The following SLIT1 variants were observed in gnomAD, a reference collection of about 807,000 sequenced individuals.
The protein encoded by SLIT1 is slit guidance ligand 1, also known as slit homolog 1 protein.
SLIT1 carries 66 observed loss-of-function variants against 186.1 expected under a neutral mutation model. That is an observed-to-expected ratio of 0.35 (90% CI 0.29 to 0.44). SLIT1 has a LOEUF of 0.44. Among genes scored for constraint, SLIT1 ranks in the 20% least tolerant of loss-of-function variants. The pLI, the probability that SLIT1 is intolerant of heterozygous loss-of-function variation, is 1.00. For missense variants in SLIT1, 1,638 were observed against 2,037.4 expected (o/e 0.80, Z 3.77); for synonymous variants, 761 against 833.8 (o/e 0.91, Z 1.50).
chr10:97,172,134 C>A (rs961230547), intron 1 of SLIT1, among the ~76,000 whole-genome samples: 4 of 151,986 alleles, frequency 2.6e-5, no homozygotes, highest in Non-Finnish European at 5.9e-5. Context: ...CCTCCACCTC[C>A]CAGGTTCAAG....
rs938708473 is a variant in SLIT1, at chr10:96,998,477, A to T, written c.*2635T>A. On this transcript the variant is annotated 3_prime_UTR_variant, in exon 37 of 37. Coordinates refer to ENST00000266058, the MANE Select transcript of SLIT1 (RefSeq NM_003061.3). ...CGGACGCACCCTGCTGTATCTCTTC[A>T]TGCCTAAAATGCAGAGCGAACTAGG... 2 of 152,224 alleles carry T rather than the reference A, an allele frequency of 1.3e-5. No individual in the cohort carries two copies. Among genetic ancestry groups the T allele is most frequent in the African/African-American group, 2.4e-5 (1 of 41,458 alleles). The allele number at this position is 152,224 out of a possible 1,614,324, so 9.4% of individuals were successfully genotyped here. A position where few individuals can be genotyped will look rare whatever the true frequency, so the allele number is the denominator to read the frequency against.
intron 1 of SLIT1, among the ~76,000 whole-genome samples, chr10:97,165,274 G>A (rs1361340763): frequency 6.6e-6 from 1 of 152,190 alleles, no homozygotes; most frequent in African/African-American, 2.4e-5. Flanking sequence ...TCTATAAAAT[G>A]CGGACAACTG....
chr10:97,109,317 T>C (rs1459686002), intron 4 of SLIT1, among the ~76,000 whole-genome samples: 1 of 152,182 alleles, frequency 6.6e-6, no homozygotes, highest in African/African-American at 2.4e-5. Flanking sequence ...GATTTGTTTT[T>C]AGCGATAATG....
chr10:97,141,968 T>A (rs1849771045), intron 4 of SLIT1, among the ~76,000 whole-genome samples: 1 of 151,978 alleles, frequency 6.6e-6, no homozygotes, highest in African/African-American at 2.4e-5. Context: ...CCCAGCGAAT[T>A]TTTTTGTTTT....
chr10:97,100,583 C>T (rs1208864408), intron 4 of SLIT1, among the ~76,000 whole-genome samples: 1 of 151,050 alleles, frequency 6.6e-6, no homozygotes, highest in Non-Finnish European at 1.5e-5. Context: ...CTGCAGTGAG[C>T]CAAGTCGCAT....
At chr10:97,111,811 A>G (rs1849467395) in intron 4 of SLIT1, among the ~76,000 whole-genome samples, 1 of 152,134 alleles carries the variant, frequency 6.6e-6, no homozygotes, top group Non-Finnish European at 1.5e-5. Flanking sequence ...CAGATGGCCC[A>G]CCACCCTGTT....
At chr10:97,044,423 C>T (rs1284080928) in intron 18 of SLIT1, among the ~76,000 whole-genome samples, 1 of 152,088 alleles carries the variant, frequency 6.6e-6, no homozygotes, top group Admixed American at 6.5e-5. Context: ...ACAATAACAA[C>T]AAAAACCCAG....
chr10:97,128,061 C>T (rs1849619907), intron 4 of SLIT1, among the ~76,000 whole-genome samples: 1 of 152,122 alleles, frequency 6.6e-6, no homozygotes, highest in Admixed American at 6.5e-5. Flanking sequence ...ACAAATGCAC[C>T]ACCGAGCCCC....
rs561781319 is a variant in SLIT1, at chr10:97,035,277, G to T, written c.2367-735C>A. On this transcript the variant is annotated intron_variant, in intron 22 of 36. Transcript: ENST00000266058. Reference sequence around the variant, plus strand: ...CTAAAGCCCATCTGTGCCCTGTTTAGTCCAATCTGGGTGCCCTCGGGGACG... The same window carrying T: ...CTAAAGCCCATCTGTGCCCTGTTTATTCCAATCTGGGTGCCCTCGGGGACG... Among the ~76,000 whole-genome samples the T allele has an allele frequency of 1.8e-4, 27 of 152,232 alleles. No homozygotes were observed. In the East Asian group the frequency reaches 3.5e-3, roughly 20 times the overall value.
rs1849767873 is a variant in SLIT1, at chr10:97,141,775, CTGTATTGTATTGTACTGTAT to C, written c.413+16023_413+16042del. 3.4e-5 allele frequency among the ~76,000 whole-genome samples: 5 copies of C among 148,736 alleles called. No homozygotes were observed. In the South Asian group the frequency reaches 1.0e-3, roughly 31 times the overall value. On this transcript the variant is annotated intron_variant, in intron 4 of 36. Coordinates refer to ENST00000266058, the MANE Select transcript of SLIT1 (RefSeq NM_003061.3). ...TCGTATCGTATCGTATTGTATCGTA[CTGTATTGTATTGTACTGTAT>C]TGTATTGTATTGTACTAGACAGGGT...
At chr10:97,026,338 C>T (rs1848544869) in intron 25 of SLIT1, among the ~76,000 whole-genome samples, 1 of 151,958 alleles carries the variant, frequency 6.6e-6, no homozygotes. Context: ...GTGGCAGGTG[C>T]CTATAATCCC....
chr10:97,180,880 CAAT>C (rs1306904694), intron 1 of SLIT1, among the ~76,000 whole-genome samples: 4 of 152,334 alleles, frequency 2.6e-5, no homozygotes, highest in East Asian at 3.9e-4. Flanking sequence ...CAAATAATAA[CAAT>C]AATATCCTAA....
At position 97,006,542 on chromosome 10, in the gene SLIT1, C is replaced by A; in HGVS notation, c.3520G>T (p.Asp1174Tyr). 2 of 1,614,206 alleles carry A rather than the reference C, an allele frequency of 1.2e-6. No individual in the cohort carries two copies. Among genetic ancestry groups the A allele is most frequent in the Non-Finnish European group, 8.5e-7 (1 of 1,180,044 alleles). Residue 1174 changes from aspartate to tyrosine, a missense_variant, in exon 32 of 37, where the codon GAC (aspartate) becomes TAC (tyrosine). Around this residue, in one of 3 missense-constraint regions of SLIT1, gnomAD observed 173 missense variants for 290.9 expected, o/e 0.59. Coordinates refer to ENST00000266058, the MANE Select transcript of SLIT1 (RefSeq NM_003061.3). This position sits in a 1 kb window ranked among gnomAD's most constrained non-coding sequence, Gnocchi z 4.0. ...AGGTCAGTGAACTGCAGGTAAGTGTCCCGATCCACAAAGTTGACACTGAGC... is the reference window on the plus strand; with the variant it reads ...AGGTCAGTGAACTGCAGGTAAGTGTACCGATCCACAAAGTTGACACTGAGC... ...KLLSVNFVDRDTYLQFTDLQN... is the reference protein window; with the variant it reads ...KLLSVNFVDRYTYLQFTDLQN...
chr10:97,145,567 T>G (rs1354520822), intron 4 of SLIT1, among the ~76,000 whole-genome samples: 3 of 152,158 alleles, frequency 2.0e-5, no homozygotes, highest in African/African-American at 7.2e-5. Context: ...AGGATCCATG[T>G]GAGGGTCCAC....
intron 4 of SLIT1, among the ~76,000 whole-genome samples, chr10:97,122,087 G>C (rs1007619771): frequency 6.6e-6 from 1 of 152,194 alleles, no homozygotes; most frequent in Admixed American, 6.5e-5. Flanking sequence ...TCTGACTCCA[G>C]TGTCTACTTC....
intron 5 of SLIT1, among the ~76,000 whole-genome samples, chr10:97,065,181 C>T (rs566094494): frequency 3.3e-5 from 5 of 151,576 alleles, no homozygotes; most frequent in African/African-American, 9.7e-5. Flanking sequence ...TTTTGGAGAC[C>T]ACCTAGTGGG....
At chr10:97,131,744 C>T (rs752393691) in intron 4 of SLIT1, among the ~76,000 whole-genome samples, 13 of 152,166 alleles carry the variant, frequency 8.5e-5, no homozygotes, top group Admixed American at 3.3e-4. Flanking sequence ...ATTTGTTTTC[C>T]GGTAGTCATG....
rs3979552 is a variant in SLIT1 at position 97,166,623 on chromosome 10, G to GAAAGAAAGAGAAAAGAAA, written c.198-1734_198-1733insTTTCTTTTCTCTTTCTTT. ...AGAAAGAAAGAAAGAAAGAAAGAAAGAGAAAAGAAAAGAAAAGAAAGGAAA... is the reference window on the plus strand; with the variant it reads ...AGAAAGAAAGAAAGAAAGAAAGAAAGAAAGAAAGAGAAAAGAAAAGAAAAGAAAAGAAAAGAAAGGAAA... On this transcript the variant is annotated intron_variant, in intron 1 of 36. Coordinates refer to ENST00000266058, the MANE Select transcript of SLIT1 (RefSeq NM_003061.3). Among the ~76,000 whole-genome samples, 212 of 42,638 alleles carry GAAAGAAAGAGAAAAGAAA rather than the reference G, an allele frequency of 5.0e-3. 3 individuals carry two copies. Among genetic ancestry groups the GAAAGAAAGAGAAAAGAAA allele is most frequent in the African/African-American group, 0.014 (143 of 10,444 alleles). 28.0% of individuals were successfully genotyped at this position (42,638 alleles called of 152,430 possible).
chr10:97,142,487 A>T (rs1424930735), intron 4 of SLIT1, among the ~76,000 whole-genome samples: 1 of 152,236 alleles, frequency 6.6e-6, no homozygotes, highest in East Asian at 1.9e-4. Flanking sequence ...TGGATCAAAG[A>T]CCTAAATGTA....
Sources: gnomAD v4.1 joint callset for allele counts (sites outside exome capture counted in the v4.1 genomes callset) on GRCh38, gnomAD v4.1.1 for gene constraint, gnomAD v4.1.1 regional missense constraint, Gnocchi (gnomAD v3.1) non-coding constraint, MANE v1.5 for transcripts, NCBI Gene and HGNC (gene_info 2026-07-23, HGNC 2026-07-21) for gene names.